Variants in UBR4 observed in about 807,000 individuals in gnomAD.
UBR4 encodes ubiquitin protein ligase E3 component n-recognin 4.
A neutral mutation model predicts 575.6 loss-of-function variants in UBR4; 124 were observed. That is an observed-to-expected ratio of 0.22 (90% CI 0.19 to 0.25). The LOEUF (loss-of-function observed/expected upper bound fraction) is 0.25. Ranked by LOEUF, UBR4 falls within the 10% of genes least tolerant of loss-of-function variation. The pLI, the probability that UBR4 is intolerant of heterozygous loss-of-function variation, is 1.00. For missense variants in UBR4, 4,818 were observed against 6,478.8 expected, an observed-to-expected ratio of 0.74 and a Z score of 8.80; for synonymous variants, 2,455 against 2,473.7, an observed-to-expected ratio of 0.99 and a Z score of 0.22.
Position 19,108,551 on chromosome 1 carries a change from G to A in UBR4, c.12105+1545C>T, listed in dbSNP as rs144788558. Reference sequence around the variant, plus strand: ...GCATTAAATAGATTAGTACCCAAGAGTGGAGATTTAATAAAATTAATTTGT... The same window carrying A: ...GCATTAAATAGATTAGTACCCAAGAATGGAGATTTAATAAAATTAATTTGT... On this transcript the variant is annotated intron_variant, in intron 81 of 105. Coordinates refer to ENST00000375254, the MANE Select transcript of UBR4 (RefSeq NM_020765.3). 2.6e-4 allele frequency among the ~76,000 whole-genome samples: 40 copies of A among 152,242 alleles called. 1 individual carries two copies. The East Asian group carries it at 7.7e-3, about 29-fold the overall frequency.
intron 47 of UBR4, 42 bp from the exon 48 acceptor site, chr1:19,151,901 C>T: frequency 6.6e-7 from 1 of 1,510,428 alleles, no homozygotes; most frequent in Non-Finnish European, 8.9e-7. Flanking sequence ...TACAGAAGTT[C>T]TTAAGTTTTA....
chr1:19,197,677 G>T lies in UBR4; in HGVS notation c.886C>A (p.Arg296Ser). 1 of 1,613,940 alleles carries T rather than the reference G, an allele frequency of 6.2e-7. No homozygotes were observed. The highest frequency in any genetic ancestry group is 1.1e-5 in the South Asian group (1 of 91,036). Residue 296 changes from arginine to serine, a missense_variant, in exon 7 of 106, where the codon CGT (arginine) becomes AGT (serine). Arg to Ser is a moderately radical substitution (Grantham distance 110, BLOSUM62 -1). Around this residue, in one of 29 missense-constraint regions of UBR4, gnomAD observed 131 missense variants for 214.5 expected, o/e 0.61. Transcript: ENST00000375254. ...PATVADATAV[R>S]NGFHSLVIDV... ...CACTGTGAAGCACCTTACCCATTAC[G>T]AACAGCAGTGGCATCTGCTACTGTT...
rs1290042995 is a variant in UBR4, at chr1:19,155,628, T to C, written c.6113A>G (p.Tyr2038Cys). Residue 2038 changes from tyrosine to cysteine, a missense_variant, in exon 43 of 106, where the codon TAT (tyrosine) becomes TGT (cysteine). Physicochemically the swap from Tyr to Cys is radical, Grantham distance 194 (BLOSUM62 -2). This residue lies in a region of UBR4 where 461 missense variants were observed against 606.9 expected (regional missense o/e 0.76). Transcript: ENST00000375254. The stretch of plus-strand genomic sequence containing the variant: ...TATCTTTGAGCTTGGCAGGAGAAAA[T>C]AGAAGGTTGGACTCAAGGCATCAAC... ...LCVDALSPTF[Y>C]FLLPSSKIRD... The C allele has an allele frequency of 3.7e-6, 6 of 1,613,898 alleles. No individual in the cohort carries two copies. Among genetic ancestry groups the C allele is most frequent in the Non-Finnish European group, 5.1e-6 (6 of 1,180,006 alleles).
At position 19,084,708 on chromosome 1, in the gene UBR4, AGC is replaced by A; in HGVS notation, c.14814-12_14814-11del. On this transcript the variant is annotated splice_polypyrimidine_tract_variant and intron_variant, in intron 101 of 105. Transcript: ENST00000375254. ...GAGGTAAGTGTTGTGTCTAGAGGGA[AGC>A]AGAACAAACAATGAAATGGAAGTGA... 1 of 1,585,518 alleles carries A rather than the reference AGC, an allele frequency of 6.3e-7. No individual in the cohort carries two copies. Among genetic ancestry groups the A allele is most frequent in the Non-Finnish European group, 8.6e-7 (1 of 1,160,450 alleles).
chr1:19,123,605 T>C (rs2149522335), intron 65 of UBR4, among the ~76,000 whole-genome samples: 1 of 152,236 alleles, frequency 6.6e-6, no homozygotes, highest in East Asian at 1.9e-4. Flanking sequence ...CCAATATTCA[T>C]GCATCTCTTC....
At chr1:19,184,981 AAT>A in intron 15 of UBR4, 116 bp downstream of exon 15, 1 of 1,287,808 alleles carries the variant, frequency 7.8e-7, no homozygotes, top group Admixed American at 2.1e-5. Context: ...CCTAAGCAAA[AAT>A]ATCTTTAAAC....
intron 54 of UBR4, 152 bp downstream of exon 54, chr1:19,144,634 A>G: frequency 9.0e-7 from 1 of 1,110,498 alleles, no homozygotes; most frequent in African/African-American, 1.6e-5. Flanking sequence ...TCTTCCATGG[A>G]GTAAGATCTT....
intron 103 of UBR4, 52 bp downstream of exon 103, chr1:19,081,297 A>C (rs149728154): frequency 9.6e-4 from 1,441 of 1,499,884 alleles, no homozygotes; most frequent in Middle Eastern, 1.8e-3. Flanking sequence ...GCAGCTTTTC[A>C]AAACTGATGA....
chr1:19,115,712 G>A (rs2080437519), intron 73 of UBR4, 75 bp from the exon 74 acceptor site: 8 of 1,561,412 alleles, frequency 5.1e-6, no homozygotes, highest in Non-Finnish European at 6.9e-6. Context: ...CAAAGAGGAA[G>A]ACTGTCCCAT....
At chr1:19,132,605 T>TTAAA (rs71577876) in intron 60 of UBR4, among the ~76,000 whole-genome samples, 1 of 24,134 alleles carries the variant, frequency 4.1e-5, no homozygotes, top group African/African-American at 2.3e-4. Context: ...TAAAAAATGG[T>TTAAA]AAAAAAAAAA....
intron 60 of UBR4, among the ~76,000 whole-genome samples, chr1:19,129,535 C>T (rs916171669): frequency 2.0e-5 from 3 of 152,220 alleles, no homozygotes; most frequent in Admixed American, 6.5e-5. Flanking sequence ...TTCTTTCTCA[C>T]GTTTCCCAAA....
intron 1 of UBR4, among the ~76,000 whole-genome samples, chr1:19,202,058 T>G (rs909561970): frequency 2.0e-5 from 3 of 152,074 alleles, no homozygotes; most frequent in African/African-American, 7.2e-5. Flanking sequence ...CTGGGCGTGG[T>G]GGCACGTGCC....
At chr1:19,173,380 C>T in intron 23 of UBR4, 59 bp downstream of exon 23, 1 of 1,611,458 alleles carries the variant, frequency 6.2e-7, no homozygotes, top group Non-Finnish European at 8.5e-7. Context: ...AATTTAAAAG[C>T]TCCAGTAAGC....
At position 19,106,637 on chromosome 1, in the gene UBR4, G is replaced by T; in HGVS notation, c.12325C>A (p.Leu4109Met). The change falls in exon 83 of 106, where the codon CTG becomes ATG. Residue 4109 changes from leucine to methionine, a missense_variant. By Grantham distance (15) the Leu-to-Met change is conservative. Transcript: ENST00000375254. ...EKYVWRWKQF[L>M]SRRGKRTSPL... ...GAGGTCCTCTTCCCCCGACGACTCA[G>T]GAACTGTTTCCACCTCCACACATAC... The T allele has an allele frequency of 6.2e-7, 1 of 1,609,012 alleles. No individual in the cohort carries two copies. The highest frequency in any genetic ancestry group is 8.5e-7 in the Non-Finnish European group (1 of 1,177,770).
intron 17 of UBR4, among the ~76,000 whole-genome samples, chr1:19,182,552 T>TTG (rs2091090521): frequency 6.6e-6 from 1 of 152,138 alleles, no homozygotes; most frequent in Non-Finnish European, 1.5e-5. Flanking sequence ...ACATACTGTT[T>TTG]TCCACAGCTA....
In UBR4 at chr1:19,075,892, C is replaced by T. The variant is rs149101180; in HGVS notation, c.15487+848G>A. Among the ~76,000 whole-genome samples, 194 of 152,244 alleles carry T rather than the reference C, an allele frequency of 1.3e-3. 1 individual carries two copies. Among genetic ancestry groups the T allele is most frequent in the African/African-American group, 4.5e-3 (185 of 41,546 alleles). Reference sequence around the variant, plus strand: ...TTTATACTTTACAAAATTCCCACAACGAATGCCATAAAAAAATGAAACAAG... The same window carrying T: ...TTTATACTTTACAAAATTCCCACAATGAATGCCATAAAAAAATGAAACAAG... On this transcript the variant is annotated intron_variant, in intron 105 of 105. Transcript: ENST00000375254.
chr1:19,209,954 T>C, intron 1 of UBR4, 119 bp downstream of exon 1: 1 of 1,339,482 alleles, frequency 7.5e-7, no homozygotes, highest in South Asian at 1.8e-5. Flanking sequence ...CCCGAAGCCG[T>C]GGCTGTGGCG....
chr1:19,183,155 T>C (rs2091178907), intron 17 of UBR4, among the ~76,000 whole-genome samples: 1 of 152,256 alleles, frequency 6.6e-6, no homozygotes, highest in Non-Finnish European at 1.5e-5. Flanking sequence ...TTACTAAGGA[T>C]GTTGAATACT....
chr1:19,077,899 G>A, intron 104 of UBR4, 77 bp downstream of exon 104: 4 of 1,610,116 alleles, frequency 2.5e-6, no homozygotes, highest in Non-Finnish European at 3.4e-6. Context: ...TGTGGGTGCT[G>A]AGGCAGAGTC....
Sources: gnomAD v4.1 joint callset for allele counts (sites outside exome capture counted in the v4.1 genomes callset) on GRCh38, gnomAD v4.1.1 for gene constraint, gnomAD v4.1.1 regional missense constraint, MANE v1.5 for transcripts, NCBI Gene and HGNC (gene_info 2026-07-23, HGNC 2026-07-21) for gene names.